Variants in GJB3 observed in about 807,000 individuals in gnomAD.
The protein encoded by GJB3 is gap junction beta-3 protein.
In GJB3, 6 loss-of-function variants were observed where a neutral mutation model predicts 8.1. The ratio of observed to expected loss-of-function variants is 0.75; its 90% confidence interval spans 0.41 to 1.47. The LOEUF is 1.47. Ranked by LOEUF, GJB3 falls within the 40% of genes most tolerant of loss-of-function variation. The probability of loss-of-function intolerance (pLI) is 0.02; values close to 1 mark genes in which losing one functional copy is unlikely to be tolerated. For missense variants in GJB3, 348 were observed against 365.6 expected (o/e 0.95, Z 0.39); for synonymous variants, 137 against 156.4 (o/e 0.88, Z 0.93).
At position 34,785,439 on chromosome 1, in the gene GJB3, G is replaced by C; in HGVS notation, c.677G>C (p.Gly226Ala). 1 of 1,613,822 alleles carries C rather than the reference G, an allele frequency of 6.2e-7. No homozygotes were observed. Among genetic ancestry groups the C allele is most frequent in the Non-Finnish European group, 8.5e-7 (1 of 1,179,802 alleles). ...CTGCACAAGGACAAGCCTCGAGGGG[G>C]TTGCAGCCCCTCGTCCTCCGCCAGC... ...RGLHKDKPRGGCSPSSSASRA... is the reference protein window; with the variant it reads ...RGLHKDKPRGACSPSSSASRA... Residue 226 changes from glycine (G) to alanine (A), a missense_variant, in exon 2 of 2, where the codon GGT (glycine) becomes GCT (alanine). Physicochemically the swap from Gly to Ala is moderately conservative, Grantham distance 60 (BLOSUM62 0). Transcript: ENST00000373366. The surrounding 1 kb of genome is among the most constrained non-coding windows in gnomAD (Gnocchi z 4.7).
chr1:34,785,625 G>A lies in GJB3; in HGVS notation c.*50G>A. 6.8e-7 allele frequency: 1 copy of A among 1,477,988 alleles called. No individual in the cohort carries two copies. The highest frequency in any genetic ancestry group is 9.4e-7 in the Non-Finnish European group (1 of 1,060,034). 91.6% of individuals were successfully genotyped at this position (1,477,988 alleles called of 1,614,324 possible). A position where few individuals can be genotyped will look rare whatever the true frequency, so the allele number is the denominator to read the frequency against. On this transcript the variant is annotated 3_prime_UTR_variant, in exon 2 of 2. Coordinates refer to ENST00000373366, the MANE Select transcript of GJB3 (RefSeq NM_024009.3). This position sits in a 1 kb window ranked among gnomAD's most constrained non-coding sequence, Gnocchi z 4.7. ...TGCGGGCTGCCAATGGGACATGCAG[G>A]GCGGTGTGGCAGGTGGAGAGGTCCT...
intron 1 of GJB3, chr1:34,782,374 C>T (rs1400356276): frequency 2.6e-5 from 4 of 152,192 alleles, no homozygotes; most frequent in East Asian, 1.9e-4. Flanking sequence ...CCGTCAGGGT[C>T]CCTCTCTGCT....
rs1401683798 is a variant in GJB3, at chr1:34,781,758, G to A, written c.-46G>A. ...CCCGGGGACGCGGGGTCAGGCCACC[G>A]CGTTGGCCAGGCCGCTGCAGGTAAG... On this transcript the variant is annotated 5_prime_UTR_variant, in exon 1 of 2. Transcript: ENST00000373366. The surrounding 1 kb of genome is among the most constrained non-coding windows in gnomAD (Gnocchi z 6.2). 3 of 152,454 alleles carry A rather than the reference G, an allele frequency of 2.0e-5. No individual in the cohort carries two copies. Among genetic ancestry groups the A allele is most frequent in the Non-Finnish European group, 4.4e-5 (3 of 68,230 alleles). 9.4% of individuals were successfully genotyped at this position (152,454 alleles called of 1,614,324 possible).
rs1320673571 is a variant in GJB3, at chr1:34,785,040, T to C, written c.278T>C (p.Leu93Pro). The C allele has an allele frequency of 6.2e-7, 1 of 1,614,188 alleles. No homozygotes were observed. The highest frequency in any genetic ancestry group is 1.1e-5 in the South Asian group (1 of 91,088). Residue 93 changes from leucine (L) to proline (P), a missense_variant, in exon 2 of 2, where the codon CTG becomes CCG. Coordinates refer to ENST00000373366, the MANE Select transcript of GJB3 (RefSeq NM_024009.3). This position sits in a 1 kb window ranked among gnomAD's most constrained non-coding sequence, Gnocchi z 4.7. ...FVTCPSLLVI[L>P]HVAYREERER... is the part of the protein sequence containing the mutation. ...ACATGCCCCTCGCTGCTGGTCATCC[T>C]GCACGTGGCCTACCGTGAGGAGCGG...
At chr1:34,782,413 T>G (rs1260046849) in intron 1 of GJB3, 1 of 152,148 alleles carries the variant, frequency 6.6e-6, no homozygotes, top group East Asian at 1.9e-4. Flanking sequence ...GGCTCCAACC[T>G]TCACTTCAGT....
At position 34,785,053 on chromosome 1, in the gene GJB3, C is replaced by T. The variant is rs1171523577; in HGVS notation, c.291C>T (p.Tyr97=). Residue 97 remains tyrosine (Y), a synonymous_variant, in exon 2 of 2, where the codon TAC becomes TAT. Transcript: ENST00000373366. This position sits in a 1 kb window ranked among gnomAD's most constrained non-coding sequence, Gnocchi z 4.7. ...PSLLVILHVA[Y]REERERRHRQ... The stretch of plus-strand genomic sequence containing the variant: ...TGCTGGTCATCCTGCACGTGGCCTA[C>T]CGTGAGGAGCGGGAGCGCCGGCACC... 6 of 1,614,020 alleles carry T rather than the reference C, an allele frequency of 3.7e-6. No individual in the cohort carries two copies. The African/African-American group carries it at 8.0e-5, about 22-fold the overall frequency.
chr1:34,784,709 T>C, intron 1 of GJB3, 29 bp from the exon 2 acceptor site: 3 of 1,412,226 alleles, frequency 2.1e-6, no homozygotes, highest in Non-Finnish European at 3.0e-6. Flanking sequence ...TATTCATTCA[T>C]ACGATGGTTT....
chr1:34,782,445 G>C (rs1640027407), intron 1 of GJB3: 1 of 152,194 alleles, frequency 6.6e-6, no homozygotes, highest in South Asian at 2.1e-4. Flanking sequence ...CCCACCAGGT[G>C]AGTAGCAGCC....
chr1:34,783,551 C>T (rs1201857779), intron 1 of GJB3, among the ~76,000 whole-genome samples: 1 of 152,080 alleles, frequency 6.6e-6, no homozygotes, highest in African/African-American at 2.4e-5. Flanking sequence ...TTAATGGACT[C>T]TAGGGGCACA....
chr1:34,785,164 C>G lies in GJB3; in HGVS notation c.402C>G (p.Ser134Arg). ...GCCTGTGGTGGACCTACCTGTTCAG[C>G]CTCATCTTCAAGCTCATCATTGAGT... The part of the protein sequence containing the change: ...HGGLWWTYLF[S>R]LIFKLIIEFL... The change falls in exon 2 of 2, where the codon AGC becomes AGG. Residue 134 changes from serine (S) to arginine (R), a missense_variant. Transcript: ENST00000373366. This position sits in a 1 kb window ranked among gnomAD's most constrained non-coding sequence, Gnocchi z 4.7. 1 of 1,614,136 alleles carries G rather than the reference C, an allele frequency of 6.2e-7. No individual in the cohort carries two copies. The highest frequency in any genetic ancestry group is 8.5e-7 in the Non-Finnish European group (1 of 1,180,036).
chr1:34,783,873 G>C (rs1311411768), intron 1 of GJB3, among the ~76,000 whole-genome samples: 1 of 152,202 alleles, frequency 6.6e-6, no homozygotes, highest in Non-Finnish European at 1.5e-5. Flanking sequence ...CAAGGCCCTG[G>C]CAACTAGTGT....
At position 34,781,848 on chromosome 1, in the gene GJB3, C is replaced by T. The variant is rs999313851; in HGVS notation, c.-26+70C>T. The T allele has an allele frequency of 1.8e-4, 28 of 152,488 alleles. No individual in the cohort carries two copies. The highest frequency in any genetic ancestry group is 6.7e-4 in the African/African-American group (28 of 41,576). The allele number at this position is 152,488 out of a possible 1,614,324, so 9.4% of individuals were successfully genotyped here. ...GGGCGCCAAGCGCTCCTGGCGACCC[C>T]CTGCGGCAGGGCTGGGGCTTGAGCC... On this transcript the variant is annotated intron_variant, in intron 1 of 1. Transcript: ENST00000373366. The surrounding 1 kb of genome is among the most constrained non-coding windows in gnomAD (Gnocchi z 6.2).
At chr1:34,782,069 G>A (rs1260078439) in intron 1 of GJB3, among the ~76,000 whole-genome samples, 1 of 152,228 alleles carries the variant, frequency 6.6e-6, no homozygotes, top group Admixed American at 6.5e-5. Context: ...AGGAAAGGGA[G>A]CTTTATCCTT....
Position 34,786,267 on chromosome 1 carries a change from C to T in GJB3, c.*692C>T. On this transcript the variant is annotated 3_prime_UTR_variant, in exon 2 of 2. Transcript: ENST00000373366. This position sits in a 1 kb window ranked among gnomAD's most constrained non-coding sequence, Gnocchi z 4.4. ...CCCCACAACTGTGCTCAGGCTGGTG[C>T]CAGCCTTTCAGACCCTGCTCCCAGG... 1 of 167,756 alleles carries T rather than the reference C, an allele frequency of 6.0e-6. No individual in the cohort carries two copies. Among genetic ancestry groups the T allele is most frequent in the Non-Finnish European group, 1.5e-5 (1 of 68,524 alleles). The allele number at this position is 167,756 out of a possible 1,614,324, so 10.4% of individuals were successfully genotyped here.
intron 1 of GJB3, among the ~76,000 whole-genome samples, chr1:34,783,292 G>C (rs1311265801): frequency 1.3e-5 from 2 of 152,100 alleles, no homozygotes; most frequent in Admixed American, 6.5e-5. Context: ...ACAGAAGCAG[G>C]GGCTCTTTCA....
At position 34,784,904 on chromosome 1, in the gene GJB3, CAGA is replaced by C. The variant is rs1223193972; in HGVS notation, c.145_147del (p.Lys49del). On this transcript the variant is annotated inframe_deletion, in exon 2 of 2. Transcript: ENST00000373366. ...TGCAGAGCGCGTGTGGGGGGATGAG[CAGA>C]AGGACTTTGACTGCAACACCAAGCA... 5.6e-6 allele frequency: 9 copies of C among 1,614,138 alleles called. No individual in the cohort carries two copies. The highest frequency in any genetic ancestry group is 1.1e-5 in the South Asian group (1 of 91,078).
At chr1:34,783,244 G>T (rs798393) in intron 1 of GJB3, among the ~76,000 whole-genome samples, 151,345 of 151,352 alleles carry the variant, frequency 1, 75,669 homozygotes, top group Non-Finnish European at 1. Context: ...CAAGGCCTTG[G>T]CTCAAAAAAA....
chr1:34,785,672 T>G lies in GJB3; in HGVS notation c.*97T>G. The stretch of plus-strand genomic sequence containing the variant: ...TCCTACAGGGGCTGAGTGACCCCAC[T>G]CTGAGTTCACTAAGTTATGCAACTT... On this transcript the variant is annotated 3_prime_UTR_variant, in exon 2 of 2. Transcript: ENST00000373366. The surrounding 1 kb of genome is among the most constrained non-coding windows in gnomAD (Gnocchi z 4.7). 2.1e-6 allele frequency: 2 copies of G among 950,322 alleles called. No individual in the cohort carries two copies. The highest frequency in any genetic ancestry group is 3.3e-6 in the Non-Finnish European group (2 of 609,458). The allele number at this position is 950,322 out of a possible 1,614,324, so 58.9% of individuals were successfully genotyped here. A position where few individuals can be genotyped will look rare whatever the true frequency, so the allele number is the denominator to read the frequency against.
Position 34,782,776 on chromosome 1 carries a change from G to T in GJB3, c.-26+998G>T, listed in dbSNP as rs111598068. Among the ~76,000 whole-genome samples, 104 of 152,266 alleles carry T rather than the reference G, an allele frequency of 6.8e-4. 1 individual carries two copies. The highest frequency in any genetic ancestry group is 3.4e-3 in the Middle Eastern group (1 of 294). The stretch of plus-strand genomic sequence containing the variant: ...GAGCCAGGTGCTGAGAAGGAACTGT[G>T]CTCTCTCCCTCTCTCCAGTGTAGGG... On this transcript the variant is annotated intron_variant, in intron 1 of 1. Transcript: ENST00000373366.
Sources: allele counts gnomAD v4.1 joint callset (sites outside exome capture counted in the v4.1 genomes callset), GRCh38; gene constraint gnomAD v4.1.1; non-coding constraint Gnocchi (gnomAD v3.1); transcripts MANE v1.5; gene names NCBI Gene and HGNC (gene_info 2026-07-23, HGNC 2026-07-21).